The following FHIT variants were observed in gnomAD, a reference collection of about 807,000 sequenced individuals.
FHIT encodes the protein bis(5'-adenosyl)-triphosphatase.
A neutral mutation model predicts 17.9 loss-of-function variants in FHIT; 19 were observed. The observed-to-expected ratio is 1.06, with a 90% CI of 0.74 to 1.56. The LOEUF (loss-of-function observed/expected upper bound fraction) is 1.56. FHIT is among the 40% of genes most tolerant of loss of function. The pLI is 0.00. For missense variants in FHIT, 248 were observed against 189.2 expected (o/e 1.31, Z -1.82); for synonymous variants, 81 against 69.7 (o/e 1.16, Z -0.81).
chr3:60,824,457 A>G (rs1370161119), intron 3 of FHIT, among the ~76,000 whole-genome samples: 3 of 152,216 alleles, frequency 2.0e-5, no homozygotes, highest in Admixed American at 2.0e-4. Context: ...CAGACAGGGA[A>G]TAAGTAACCA....
intron 5 of FHIT, among the ~76,000 whole-genome samples, chr3:60,179,150 C>G (rs766124485): frequency 6.6e-6 from 1 of 152,074 alleles, no homozygotes; most frequent in African/African-American, 2.4e-5. Flanking sequence ...ACCACGTGGC[C>G]GCATTCCATT....
chr3:59,931,002 A>G (rs1017967347), intron 7 of FHIT, among the ~76,000 whole-genome samples: 1 of 152,184 alleles, frequency 6.6e-6, no homozygotes, highest in Non-Finnish European at 1.5e-5. Flanking sequence ...GACTGAGTCA[A>G]TTCCTTAACT....
At chr3:60,473,005 C>T (rs1311895983) in intron 5 of FHIT, among the ~76,000 whole-genome samples, 4 of 152,042 alleles carry the variant, frequency 2.6e-5, no homozygotes, top group South Asian at 4.2e-4. Flanking sequence ...TTTCCAGAGA[C>T]TGAGAACTTT....
chr3:60,292,521 G>A (rs1170709423), intron 5 of FHIT, among the ~76,000 whole-genome samples: 1 of 152,092 alleles, frequency 6.6e-6, no homozygotes, highest in African/African-American at 2.4e-5. Context: ...AATATTTATA[G>A]TTAGTCCTGC....
intron 5 of FHIT, among the ~76,000 whole-genome samples, chr3:60,220,944 T>C (rs914128482): frequency 7.2e-5 from 11 of 152,176 alleles, no homozygotes; most frequent in Non-Finnish European, 1.6e-4. Context: ...CGTGTGGGGA[T>C]TGTTTTAATA....
At chr3:60,857,402 C>A (rs1194598036) in intron 3 of FHIT, among the ~76,000 whole-genome samples, 1 of 152,122 alleles carries the variant, frequency 6.6e-6, no homozygotes, top group Non-Finnish European at 1.5e-5. Flanking sequence ...GACAGCCCAG[C>A]TTCACTACTT....
intron 3 of FHIT, among the ~76,000 whole-genome samples, chr3:60,919,628 T>C (rs1162822778): frequency 2.6e-5 from 4 of 152,150 alleles, no homozygotes; most frequent in African/African-American, 9.7e-5. Flanking sequence ...TAGGAAAGGA[T>C]AAATTGAAGA....
At chr3:59,988,274 A>G (rs1157018805) in intron 7 of FHIT, among the ~76,000 whole-genome samples, 1 of 152,054 alleles carries the variant, frequency 6.6e-6, no homozygotes. Flanking sequence ...TTTACCTTTT[A>G]AAAGTAGGAT....
chr3:59,944,997 T>C (rs538123149), intron 7 of FHIT, among the ~76,000 whole-genome samples: 22 of 152,338 alleles, frequency 1.4e-4, no homozygotes, highest in Admixed American at 4.6e-4. Context: ...TGTCTATGTA[T>C]GTGTCTTTAT....
intron 3 of FHIT, among the ~76,000 whole-genome samples, chr3:60,925,302 C>G (rs1575699355): frequency 6.6e-6 from 1 of 152,108 alleles, no homozygotes. Flanking sequence ...TTAATGGCAG[C>G]CAGAGAGAAA....
At chr3:60,697,924 A>G (rs572898469) in intron 4 of FHIT, among the ~76,000 whole-genome samples, 14 of 152,302 alleles carry the variant, frequency 9.2e-5, no homozygotes, top group East Asian at 7.7e-4. Context: ...TGTCGTTTTT[A>G]TGTGCATTTG....
intron 6 of FHIT, among the ~76,000 whole-genome samples, chr3:60,012,233 T>C (rs181418644): frequency 2.7e-4 from 41 of 151,540 alleles, no homozygotes; most frequent in African/African-American, 9.4e-4. Context: ...CAATCAGCAT[T>C]ACAAACAATG....
rs535166876 is a variant in FHIT, at chr3:61,066,475, C to T, written c.-163-24376G>A. Among the ~76,000 whole-genome samples the T allele has an allele frequency of 4.6e-5, 7 of 152,158 alleles. No homozygotes were observed. The South Asian group carries it at 1.2e-3, about 27-fold the overall frequency. On this transcript the variant is annotated intron_variant, in intron 2 of 9. Transcript: ENST00000492590. Reference sequence around the variant, plus strand: ...CTAAAAATACAAAAAATTAGCCTTGCGTAGTGACATACACCTGTAGTCCCA... The same window carrying T: ...CTAAAAATACAAAAAATTAGCCTTGTGTAGTGACATACACCTGTAGTCCCA...
At chr3:60,897,051 C>T (rs782698419) in intron 3 of FHIT, among the ~76,000 whole-genome samples, 1 of 152,110 alleles carries the variant, frequency 6.6e-6, no homozygotes, top group African/African-American at 2.4e-5. Context: ...ATGCAGCATG[C>T]TATATATAGT....
chr3:59,756,173 C>T (rs1701208267), intron 8 of FHIT, among the ~76,000 whole-genome samples: 1 of 152,122 alleles, frequency 6.6e-6, no homozygotes, highest in Non-Finnish European at 1.5e-5. Context: ...AAGTATTTTT[C>T]ATCTCCATGG....
intron 7 of FHIT, among the ~76,000 whole-genome samples, chr3:59,968,703 G>A (rs1238367234): frequency 6.6e-6 from 1 of 152,126 alleles, no homozygotes; most frequent in South Asian, 2.1e-4. Context: ...CATAAGCCTA[G>A]AAGATACCAG....
rs148795783 is a variant in FHIT, at chr3:59,933,665, A to C, written c.280-11251T>G. ...TGACCATATGCCCCAGTCTGTTTGG[A>C]ACCATCCAGCTTTAGGCCTGCAGGT... On this transcript the variant is annotated intron_variant, in intron 7 of 9. Coordinates refer to ENST00000492590, the MANE Select transcript of FHIT (RefSeq NM_002012.4). Among the ~76,000 whole-genome samples the C allele has an allele frequency of 2.9e-3, 437 of 152,238 alleles. 8 individuals are homozygous for C. The highest frequency in any genetic ancestry group is 8.9e-3 in the African/African-American group (368 of 41,558).
At chr3:60,563,920 A>C (rs1460387152) in intron 4 of FHIT, among the ~76,000 whole-genome samples, 2 of 152,226 alleles carry the variant, frequency 1.3e-5, no homozygotes, top group African/African-American at 4.8e-5. Flanking sequence ...TAATCAATGA[A>C]GTTGACCATA....
intron 5 of FHIT, among the ~76,000 whole-genome samples, chr3:60,335,269 C>T (rs1226775178): frequency 6.6e-6 from 1 of 151,876 alleles, no homozygotes; most frequent in East Asian, 1.9e-4. Context: ...CAGAAGTTGC[C>T]ACAACTTAAA....
Sources: allele counts gnomAD v4.1 joint callset (sites outside exome capture counted in the v4.1 genomes callset), GRCh38; gene constraint gnomAD v4.1.1; transcripts MANE v1.5; gene names NCBI Gene and HGNC (gene_info 2026-07-23, HGNC 2026-07-21).